Variants in NOX4 observed in about 807,000 individuals in gnomAD.
The protein encoded by NOX4 is kidney oxidase-1.
A neutral mutation model predicts 87.6 loss-of-function variants in NOX4; 69 were observed. The ratio of observed to expected loss-of-function variants is 0.79; its 90% CI spans 0.65 to 0.96. The LOEUF (loss-of-function observed/expected upper bound fraction) is 0.96, where lower values mean the gene tolerates loss of function less well. Among genes scored for constraint, NOX4 ranks in the 40% least tolerant of loss-of-function variants. The pLI is 0.00. For synonymous variants in NOX4, 275 were observed against 238.2 expected, an observed-to-expected ratio of 1.15 and a Z score of -1.42; for missense variants, 680 against 681.5, an observed-to-expected ratio of 1.00 and a Z score of 0.02.
chr11:89,488,127 G>C (rs753651374), intron 2 of NOX4, among the ~76,000 whole-genome samples: 5 of 152,066 alleles, frequency 3.3e-5, no homozygotes, highest in Admixed American at 6.6e-5. Flanking sequence ...GTAAAATGGA[G>C]AATACTTACC....
chr11:89,564,671 A>G, the NOX4 span, among the ~76,000 whole-genome samples: 1 of 152,042 alleles, frequency 6.6e-6, no homozygotes, highest in African/African-American at 2.4e-5. Context: ...AAAGATCAAC[A>G]TTACATTTCT....
At chr11:89,537,621 C>A in the NOX4 span, among the ~76,000 whole-genome samples, 1 of 151,600 alleles carries the variant, frequency 6.6e-6, no homozygotes, top group Non-Finnish European at 1.5e-5. Flanking sequence ...AGGGCCCCCC[C>A]GAGGCTAAAC....
the NOX4 span, among the ~76,000 whole-genome samples, chr11:89,565,726 TAAA>T: frequency 1.4e-5 from 2 of 144,076 alleles, no homozygotes; most frequent in Non-Finnish European, 3.1e-5. Context: ...TAAAGTATAA[TAAA>T]AAAAAAAAGA....
At chr11:89,501,723 C>T (rs1272370124), upstream of NOX4, among the ~76,000 whole-genome samples, 3 of 151,904 alleles carry the variant, frequency 2.0e-5, no homozygotes. Context: ...GAAGAACCTC[C>T]CAAATATGTA....
At position 89,452,585 on chromosome 11, in the gene NOX4, G is replaced by A. The variant is rs77182301; in HGVS notation, c.154-690C>T. Among the ~76,000 whole-genome samples, 1,005 of 151,996 alleles carry A rather than the reference G, an allele frequency of 6.6e-3. 10 individuals carry two copies. The highest frequency in any genetic ancestry group is 0.023 in the African/African-American group (967 of 41,426). On this transcript the variant is annotated intron_variant, in intron 2 of 17. Transcript: ENST00000263317. ...TATTTTTAATTGACAAATAATAATT[G>A]TATATATGTATGGGTACAATATGAT...
chr11:89,541,972 A>AT, the NOX4 span, among the ~76,000 whole-genome samples: 104 of 131,582 alleles, frequency 7.9e-4, no homozygotes, highest in African/African-American at 3.0e-3. Context: ...TACCCAGCTA[A>AT]TTTTTGTAGT....
chr11:89,584,786 T>G, the NOX4 span, among the ~76,000 whole-genome samples: 1 of 152,244 alleles, frequency 6.6e-6, no homozygotes, highest in South Asian at 2.1e-4. Flanking sequence ...GATAAGATAA[T>G]GTATATACAT....
chr11:89,409,687 GTTGGAAGTTGGCAAACAAAA>G (rs1198127655), intron 8 of NOX4, among the ~76,000 whole-genome samples: 2 of 152,036 alleles, frequency 1.3e-5, no homozygotes, highest in African/African-American at 4.8e-5. Flanking sequence ...TGAATAAAAA[GTTGGAAGTTGGCAAACAAAA>G]TTGGAAGTTG....
chr11:89,559,745 T>G, the NOX4 span, among the ~76,000 whole-genome samples: 5 of 152,300 alleles, frequency 3.3e-5, no homozygotes, highest in Non-Finnish European at 7.4e-5. Flanking sequence ...AACTGGCTTC[T>G]GATAATTTAA....
chr11:89,405,835 G>C (rs1942147121), intron 8 of NOX4, among the ~76,000 whole-genome samples: 1 of 151,342 alleles, frequency 6.6e-6, no homozygotes, highest in East Asian at 2.0e-4. Flanking sequence ...AATAATGTCA[G>C]TCTGCAGAGC....
rs139063669 is a variant in NOX4 at position 89,397,062 on chromosome 11, C to T, written c.1074+2955G>A. On this transcript the variant is annotated intron_variant, in intron 11 of 17. Coordinates refer to ENST00000263317, the MANE Select transcript of NOX4 (RefSeq NM_016931.5). ...ACTTATTCCAAAATTGACCACATAG[C>T]TGGAAGTAAAGCACTCCTCAGGAAA... Among the ~76,000 whole-genome samples, 60 of 152,084 alleles carry T rather than the reference C, an allele frequency of 3.9e-4. 2 individuals are homozygous for T. In the East Asian group the frequency reaches 0.011, roughly 28 times the overall value.
the NOX4 span, among the ~76,000 whole-genome samples, chr11:89,574,604 T>C: frequency 6.6e-6 from 1 of 152,224 alleles, no homozygotes; most frequent in Non-Finnish European, 1.5e-5. Context: ...TAATGACCTT[T>C]TACAAGGCTT....
intron 2 of NOX4, among the ~76,000 whole-genome samples, chr11:89,459,985 A>G (rs188844379): frequency 0.022 from 3,294 of 152,280 alleles, 115 homozygotes; most frequent in African/African-American, 0.07. Context: ...GGAACAGAAC[A>G]GAGCCCTCAG....
chr11:89,426,199 G>A (rs563734764), intron 7 of NOX4, among the ~76,000 whole-genome samples: 3 of 152,212 alleles, frequency 2.0e-5, no homozygotes, highest in South Asian at 2.1e-4. Context: ...TTTACAGCAA[G>A]ACAAACTCAT....
chr11:89,428,006 C>A (rs1475065926), intron 7 of NOX4, among the ~76,000 whole-genome samples: 1 of 152,204 alleles, frequency 6.6e-6, no homozygotes, highest in Non-Finnish European at 1.5e-5. Context: ...GCCCATCAGA[C>A]TAACAGCTGA....
At chr11:89,541,351 CAAT>C in the NOX4 span, among the ~76,000 whole-genome samples, 1 of 152,084 alleles carries the variant, frequency 6.6e-6, no homozygotes, top group Non-Finnish European at 1.5e-5. Flanking sequence ...CCCCAGCCTC[CAAT>C]AATATTTTTC....
the NOX4 span, among the ~76,000 whole-genome samples, chr11:89,555,026 A>C: frequency 1.3e-5 from 2 of 152,168 alleles, no homozygotes; most frequent in Admixed American, 1.3e-4. Flanking sequence ...CTTTTTAAAA[A>C]TTAAAATGGC....
At chr11:89,499,187 T>C (rs961998620), upstream of NOX4, 6 of 152,206 alleles carry the variant, frequency 3.9e-5, no homozygotes, top group African/African-American at 1.4e-4. Context: ...GTCCACTTTG[T>C]AGGAGCCATG....
At chr11:89,425,056 T>C (rs888509392) in intron 7 of NOX4, among the ~76,000 whole-genome samples, 1 of 152,096 alleles carries the variant, frequency 6.6e-6, no homozygotes, top group East Asian at 1.9e-4. Context: ...AGCTCAGGAT[T>C]GAAGCTGATC....
Sources: gnomAD v4.1 joint callset for allele counts (sites outside exome capture counted in the v4.1 genomes callset) on GRCh38, gnomAD v4.1.1 for gene constraint, MANE v1.5 for transcripts, NCBI Gene and HGNC (gene_info 2026-07-23, HGNC 2026-07-21) for gene names.